Variants in BLTP3B observed in about 807,000 individuals in gnomAD.
BLTP3B encodes the protein UHRF1 (ICBP90) binding protein 1-like.
chr12:100,065,573 A>G, the BLTP3B span, among the ~76,000 whole-genome samples: 215 of 152,174 alleles, frequency 1.4e-3, no homozygotes, highest in Admixed American at 2.2e-3. Context: ...TGAGATAAGG[A>G]CTGAAATATG....
At chr12:100,100,967 T>C in the BLTP3B span, among the ~76,000 whole-genome samples, 74 of 152,294 alleles carry the variant, frequency 4.9e-4, 1 homozygote, top group African/African-American at 1.7e-3. Flanking sequence ...ATCACATGAT[T>C]AGAAAGCCAA....
At chr12:100,127,141 G>C in the BLTP3B span, among the ~76,000 whole-genome samples, 2 of 151,704 alleles carry the variant, frequency 1.3e-5, no homozygotes, top group African/African-American at 4.8e-5. Context: ...TATACTTCAC[G>C]AGCAAGCGTC....
chr12:100,065,118 G>A, the BLTP3B span, among the ~76,000 whole-genome samples: 2 of 152,032 alleles, frequency 1.3e-5, no homozygotes. Context: ...AAGATTTCAT[G>A]GACATTTATC....
At chr12:100,057,979 C>G in the BLTP3B span, 3 of 1,518,796 alleles carry the variant, frequency 2.0e-6, no homozygotes, top group East Asian at 2.3e-5. Flanking sequence ...TAGGCACACA[C>G]GCTCCACAAA....
At chr12:100,100,846 A>G in the BLTP3B span, among the ~76,000 whole-genome samples, 1 of 152,120 alleles carries the variant, frequency 6.6e-6, no homozygotes, top group African/African-American at 2.4e-5. Flanking sequence ...TTGTAGATTT[A>G]ATAAGCACTC....
the BLTP3B span, chr12:100,048,300 CT>C: frequency 9.9e-6 from 13 of 1,316,286 alleles, no homozygotes; most frequent in African/African-American, 6.0e-5. Context: ...CTATTTCCCC[CT>C]AGTTTAAATG....
At chr12:100,047,645 G>C in the BLTP3B span, 2 of 1,570,828 alleles carry the variant, frequency 1.3e-6, no homozygotes, top group African/African-American at 1.4e-5. Flanking sequence ...CATCCTACAG[G>C]AAAGAAAAAT....
the BLTP3B span, among the ~76,000 whole-genome samples, chr12:100,081,786 T>C: frequency 1.3e-5 from 2 of 152,232 alleles, no homozygotes; most frequent in South Asian, 2.1e-4. Context: ...GCGGTGTATA[T>C]GTACCACAGT....
the BLTP3B span, among the ~76,000 whole-genome samples, chr12:100,129,493 A>C: frequency 6.6e-6 from 1 of 152,238 alleles, no homozygotes. Flanking sequence ...ACAACGGTGA[A>C]CAAGACAAGC....
chr12:100,080,187 GTCC>G, the BLTP3B span, among the ~76,000 whole-genome samples: 3 of 152,220 alleles, frequency 2.0e-5, no homozygotes, highest in Admixed American at 2.0e-4. Context: ...GAAGGCCACC[GTCC>G]TCCTGACTCC....
the BLTP3B span, among the ~76,000 whole-genome samples, chr12:100,104,129 CATTTT>C: frequency 1.3e-5 from 2 of 151,768 alleles, no homozygotes; most frequent in Non-Finnish European, 2.9e-5. Context: ...CAGATGTACC[CATTTT>C]ATTTAAGAAA....
the BLTP3B span, among the ~76,000 whole-genome samples, chr12:100,052,463 T>C: frequency 6.6e-6 from 1 of 152,142 alleles, no homozygotes; most frequent in East Asian, 1.9e-4. Flanking sequence ...AGCGAAGAGT[T>C]ATCCTTAACC....
the BLTP3B span, chr12:100,142,530 G>C: frequency 1.3e-5 from 21 of 1,565,104 alleles, no homozygotes; most frequent in African/African-American, 2.8e-4. Flanking sequence ...GAAGCCGCAG[G>C]CTGACTCCAG....
At chr12:100,039,812 C>T in the BLTP3B span, 1 of 1,580,274 alleles carries the variant, frequency 6.3e-7, no homozygotes, top group East Asian at 2.3e-5. Context: ...ATAACATGCT[C>T]AGATAACATT....
At chr12:100,104,423 C>G in the BLTP3B span, among the ~76,000 whole-genome samples, 1 of 151,740 alleles carries the variant, frequency 6.6e-6, no homozygotes, top group African/African-American at 2.4e-5. Flanking sequence ...AGACTGGTCT[C>G]TAACTCCTGG....
the BLTP3B span, among the ~76,000 whole-genome samples, chr12:100,131,235 TG>T: frequency 6.6e-6 from 1 of 150,772 alleles, no homozygotes; most frequent in Admixed American, 6.6e-5. Context: ...TGCTAGAGCC[TG>T]GGAAGTTGAG....
the BLTP3B span, chr12:100,047,702 G>C: frequency 8.1e-7 from 1 of 1,227,352 alleles, no homozygotes; most frequent in Non-Finnish European, 1.2e-6. Context: ...ATGAGTTAAA[G>C]ATAACACATG....
the BLTP3B span, among the ~76,000 whole-genome samples, chr12:100,141,317 T>TA: frequency 5.9e-5 from 9 of 151,712 alleles, no homozygotes; most frequent in East Asian, 3.9e-4. Context: ...CAGTCTCTAC[T>TA]AAAAAAATAC....
chr12:100,044,140 C>T, the BLTP3B span, among the ~76,000 whole-genome samples: 1 of 151,996 alleles, frequency 6.6e-6, no homozygotes, highest in Non-Finnish European at 1.5e-5. Context: ...GGAGCTAACA[C>T]ATTTGGGAAA....
Sources: allele counts gnomAD v4.1 joint callset (sites outside exome capture counted in the v4.1 genomes callset), GRCh38; gene constraint gnomAD v4.1.1; transcripts MANE v1.5; gene names NCBI Gene and HGNC (gene_info 2026-07-23, HGNC 2026-07-21).